SNTG1: variants seen among roughly 807,000 people sequenced by gnomAD.
The protein encoded by SNTG1 is syntrophin gamma 1.
In SNTG1, 39 loss-of-function variants were observed where a neutral mutation model predicts 74.7. The ratio of observed to expected loss-of-function variants is 0.52; its 90% CI spans 0.40 to 0.68. The LOEUF (loss-of-function observed/expected upper bound fraction) is 0.68, where lower values mean the gene tolerates loss of function less well. SNTG1 is among the 30% of genes least tolerant of loss of function. The probability of loss-of-function intolerance (pLI) is 0.00; values close to 1 mark genes in which losing one functional copy is unlikely to be tolerated. For synonymous variants in SNTG1, 254 were observed against 217.1 expected (o/e 1.17, Z -1.49); for missense variants, 685 against 609.5 (o/e 1.12, Z -1.30).
At chr8:50,056,084 T>C (rs1820000289) in intron 1 of SNTG1, among the ~76,000 whole-genome samples, 1 of 152,060 alleles carries the variant, frequency 6.6e-6, no homozygotes, top group Non-Finnish European at 1.5e-5. Flanking sequence ...GATTTGAAAA[T>C]AGCCTCATAT....
chr8:50,083,425 T>C (rs2131095055), intron 1 of SNTG1, among the ~76,000 whole-genome samples: 1 of 152,310 alleles, frequency 6.6e-6, no homozygotes, highest in South Asian at 2.1e-4. Context: ...ACCCATAAAT[T>C]ATCTTGTGAT....
chr8:50,382,755 G>A lies in SNTG1; in HGVS notation c.-27-11457G>A, dbSNP rs182368044. 1.4e-3 allele frequency among the ~76,000 whole-genome samples: 209 copies of A among 152,144 alleles called. No homozygotes were observed. The Middle Eastern group carries it at 0.02, about 15-fold the overall frequency. On this transcript the variant is annotated intron_variant, in intron 2 of 18. Transcript: ENST00000642720. ...ACAACTGTATCAGTCAGGATTCTCC[G>A]GACCAGCTGAAGCAGTAGAATATCT... is the stretch of plus-strand genomic sequence containing the variant.
intron 17 of SNTG1, among the ~76,000 whole-genome samples, chr8:50,739,133 A>G (rs1484283505): frequency 6.6e-6 from 1 of 152,176 alleles, no homozygotes; most frequent in African/African-American, 2.4e-5. Flanking sequence ...GGCCATCTAC[A>G]CAATGGGAGA....
intron 2 of SNTG1, among the ~76,000 whole-genome samples, chr8:50,183,463 T>C (rs1217762564): frequency 6.6e-6 from 1 of 152,188 alleles, no homozygotes; most frequent in Non-Finnish European, 1.5e-5. Context: ...TTAGTTATCC[T>C]ATTCCAGACT....
chr8:50,203,792 G>C (rs573722655), intron 2 of SNTG1, among the ~76,000 whole-genome samples: 13 of 150,902 alleles, frequency 8.6e-5, no homozygotes, highest in African/African-American at 3.0e-4. Flanking sequence ...GTGTGTGTGT[G>C]TGTGTTCGTA....
intron 13 of SNTG1, among the ~76,000 whole-genome samples, chr8:50,623,562 C>A (rs2094937085): frequency 6.6e-6 from 1 of 151,960 alleles, no homozygotes; most frequent in East Asian, 1.9e-4. Flanking sequence ...CTGTATGTGC[C>A]CATTTCTACC....
intron 15 of SNTG1, among the ~76,000 whole-genome samples, chr8:50,698,323 G>T (rs2095412034): frequency 6.6e-6 from 1 of 152,096 alleles, no homozygotes; most frequent in Non-Finnish European, 1.5e-5. Context: ...TTTTGGTGGG[G>T]CTCACCACCT....
At chr8:50,243,685 TTAA>T (rs1324583059) in intron 2 of SNTG1, among the ~76,000 whole-genome samples, 1 of 133,402 alleles carries the variant, frequency 7.5e-6, no homozygotes, top group Admixed American at 7.3e-5. Context: ...GGGTAATTAA[TTAA>T]TTTTTTTTTT....
chr8:50,061,512 T>G (rs780648351), intron 1 of SNTG1, among the ~76,000 whole-genome samples: 43 of 151,990 alleles, frequency 2.8e-4, no homozygotes, highest in Non-Finnish European at 5.1e-4. Context: ...ACTTATTTCT[T>G]CTCCTCTTCT....
chr8:50,242,527 CAAA>C (rs773542089), intron 2 of SNTG1, among the ~76,000 whole-genome samples: 2 of 31,000 alleles, frequency 6.5e-5, no homozygotes, highest in African/African-American at 2.1e-4. Flanking sequence ...GAATCCATCT[CAAA>C]AAAAAAAAAA....
intron 13 of SNTG1, among the ~76,000 whole-genome samples, chr8:50,619,671 C>A (rs1479346535): frequency 6.8e-6 from 1 of 146,822 alleles, no homozygotes; most frequent in East Asian, 2.0e-4. Context: ...GCGGAGGTTG[C>A]AGTGAGCCGA....
chr8:50,378,229 G>A (rs1415956941), intron 2 of SNTG1, among the ~76,000 whole-genome samples: 1 of 152,236 alleles, frequency 6.6e-6, no homozygotes, highest in Non-Finnish European at 1.5e-5. Context: ...CTGTGAGGCT[G>A]TGTCTTGTCC....
At chr8:50,429,142 G>A (rs1023013547) in intron 4 of SNTG1, among the ~76,000 whole-genome samples, 2 of 151,932 alleles carry the variant, frequency 1.3e-5, no homozygotes, top group Non-Finnish European at 2.9e-5. Flanking sequence ...TAGACAAGCT[G>A]ATCCTAAAAT....
chr8:50,519,415 A>G (rs1159740487), intron 9 of SNTG1, among the ~76,000 whole-genome samples: 1 of 152,186 alleles, frequency 6.6e-6, no homozygotes, highest in Non-Finnish European at 1.5e-5. Context: ...GCCCTCTCTC[A>G]CCACTCCTAT....
At chr8:50,113,444 A>T (rs2080683926) in intron 1 of SNTG1, among the ~76,000 whole-genome samples, 2 of 152,144 alleles carry the variant, frequency 1.3e-5, no homozygotes, top group Admixed American at 6.6e-5. Context: ...GTATCCTGAG[A>T]CTTTGCTGAA....
chr8:50,367,974 A>G (rs2092162747), intron 2 of SNTG1, among the ~76,000 whole-genome samples: 1 of 152,182 alleles, frequency 6.6e-6, no homozygotes, highest in South Asian at 2.1e-4. Flanking sequence ...GGTACAGACT[A>G]GAAAAAGCCC....
intron 2 of SNTG1, among the ~76,000 whole-genome samples, chr8:50,177,461 A>G (rs928160808): frequency 3.3e-5 from 5 of 152,158 alleles, no homozygotes; most frequent in African/African-American, 9.7e-5. Flanking sequence ...GCAAAAGCCA[A>G]TCTTCACTTC....
chr8:50,171,749 T>G (rs1240302882), intron 1 of SNTG1, among the ~76,000 whole-genome samples: 1 of 152,132 alleles, frequency 6.6e-6, no homozygotes, highest in Non-Finnish European at 1.5e-5. Context: ...AAATGCATAT[T>G]TATAGGCCTC....
chr8:50,376,752 T>G (rs201769201), intron 2 of SNTG1, among the ~76,000 whole-genome samples: 14,515 of 100,090 alleles, frequency 0.15, 903 homozygotes, highest in African/African-American at 0.2. Flanking sequence ...TATATATATA[T>G]ATATAGAGAG....
Sources: gnomAD v4.1 joint callset for allele counts (sites outside exome capture counted in the v4.1 genomes callset) on GRCh38, gnomAD v4.1.1 for gene constraint, MANE v1.5 for transcripts, NCBI Gene and HGNC (gene_info 2026-07-23, HGNC 2026-07-21) for gene names.